The following LRCH2 variants were observed in gnomAD, a reference collection of about 807,000 sequenced individuals.
LRCH2 encodes leucine-rich repeat and calponin homology domain-containing protein 2.
In LRCH2, 38 loss-of-function variants were observed where a neutral mutation model predicts 68.9. The observed-to-expected ratio is 0.55, with a 90% CI of 0.43 to 0.72. The LOEUF is 0.72. Among genes scored for constraint, LRCH2 ranks in the 30% least tolerant of loss-of-function variants. LRCH2 has a pLI of 0.00. For missense variants in LRCH2, 528 were observed against 572.9 expected, an observed-to-expected ratio of 0.92 and a Z score of 0.80; for synonymous variants, 191 against 208.1, an observed-to-expected ratio of 0.92 and a Z score of 0.71.
At chrX:115,212,774 C>T in intron 1 of LRCH2, among the ~76,000 whole-genome samples, 1 of 109,294 alleles carries the variant, frequency 9.1e-6, no homozygotes, top group Admixed American at 9.8e-5. Flanking sequence ...AGCTTGAGAC[C>T]AGCCTGGGCA....
At chrX:115,223,186 T>A (rs1025461022) in intron 1 of LRCH2, among the ~76,000 whole-genome samples, 11 of 110,565 alleles carry the variant, frequency 9.9e-5, no homozygotes, top group Non-Finnish European at 3.8e-5. Flanking sequence ...AAAATCAACT[T>A]AAATAAGCAG....
At chrX:115,218,618 T>C (rs1361727349) in intron 1 of LRCH2, among the ~76,000 whole-genome samples, 1 of 112,584 alleles carries the variant, frequency 8.9e-6, no homozygotes, top group East Asian at 2.8e-4. Context: ...TTCGTTAACA[T>C]AGCAGTGCAG....
At chrX:115,164,494 T>C (rs1556543539) in intron 10 of LRCH2, among the ~76,000 whole-genome samples, 1 of 111,561 alleles carries the variant, frequency 9.0e-6, no homozygotes, top group African/African-American at 3.2e-5. Context: ...GAATGAAATC[T>C]AAACAGTTCA....
In LRCH2 at chrX:115,169,379, A is replaced by T. The variant is rs2072588347; in HGVS notation, c.998+920T>A. Among the ~76,000 whole-genome samples, 3 of 112,056 alleles carry T rather than the reference A, an allele frequency of 2.7e-5. No homozygotes were observed. In the South Asian group the frequency reaches 1.1e-3, roughly 41 times the overall value. On this transcript the variant is annotated intron_variant, in intron 6 of 20. Coordinates refer to ENST00000317135, the MANE Select transcript of LRCH2 (RefSeq NM_020871.4). ...TCATGTTAAAATAAATATAAAGCAG[A>T]TTAATAGAGATTAGAATGCCTTAAT... is the stretch of plus-strand genomic sequence containing the variant.
At chrX:115,147,012 C>T (rs2072390933) in intron 14 of LRCH2, among the ~76,000 whole-genome samples, 1 of 104,758 alleles carries the variant, frequency 9.5e-6, no homozygotes, top group Admixed American at 1.0e-4. Context: ...GGGACAGAAA[C>T]AAAGAAATCC....
intron 13 of LRCH2, 30 bp from the exon 14 acceptor site, chrX:115,149,973 T>A (rs1556537853): frequency 8.6e-7 from 1 of 1,156,090 alleles, no homozygotes; most frequent in Non-Finnish European, 1.2e-6. Flanking sequence ...TTTAACTAAA[T>A]AAAAGAGAAC....
At chrX:115,176,715 T>C (rs1458139491) in intron 5 of LRCH2, among the ~76,000 whole-genome samples, 1 of 110,909 alleles carries the variant, frequency 9.0e-6, no homozygotes, top group Admixed American at 9.6e-5. Context: ...CTAATGATTC[T>C]TGGCTGGCTG....
At chrX:115,191,241 T>C in intron 1 of LRCH2, 2 of 1,148,071 alleles carry the variant, frequency 1.7e-6, no homozygotes, top group Non-Finnish European at 2.3e-6. Context: ...GCTCCCTCGA[T>C]GCCAACAGTG....
intron 2 of LRCH2, among the ~76,000 whole-genome samples, chrX:115,186,871 T>C (rs2072735979): frequency 1.0e-5 from 1 of 96,563 alleles, no homozygotes; most frequent in Non-Finnish European, 2.0e-5. Flanking sequence ...CAGGCTGGAG[T>C]GCAGTGGCGC....
intron 1 of LRCH2, chrX:115,191,008 G>A (rs1359197623): frequency 4.0e-5 from 46 of 1,161,461 alleles, no homozygotes; most frequent in South Asian, 1.7e-4. Flanking sequence ...TGCCAACAGC[G>A]GAGGCCGTTC....
At chrX:115,131,193 G>T (rs1265694452) in intron 14 of LRCH2, among the ~76,000 whole-genome samples, 2 of 109,350 alleles carry the variant, frequency 1.8e-5, no homozygotes, top group Non-Finnish European at 3.8e-5. Flanking sequence ...TGCCATGTTG[G>T]TGTGCTGCAC....
intron 14 of LRCH2, among the ~76,000 whole-genome samples, chrX:115,141,240 A>C (rs2072336175): frequency 1.8e-5 from 2 of 109,414 alleles, no homozygotes; most frequent in Admixed American, 9.7e-5. Flanking sequence ...AAAAAAAAAG[A>C]AAGCTTATTT....
intron 15 of LRCH2, among the ~76,000 whole-genome samples, chrX:115,129,196 G>A (rs192282478): frequency 9.0e-6 from 1 of 111,140 alleles, no homozygotes; most frequent in East Asian, 2.9e-4. Flanking sequence ...CAGGTACACA[G>A]GTGTTATTCA....
chrX:115,190,973 A>T (rs1556558480), intron 1 of LRCH2: 3 of 1,162,392 alleles, frequency 2.6e-6, no homozygotes, highest in Non-Finnish European at 3.4e-6. Flanking sequence ...GGCCACTATG[A>T]GGAGAACCGA....
Position 115,150,070 on chromosome X carries a change from A to G in LRCH2, c.1530T>C (p.Ser510=). The G allele has an allele frequency of 8.7e-7, 1 of 1,153,053 alleles. No homozygotes were observed. Among genetic ancestry groups the G allele is most frequent in the Non-Finnish European group, 1.2e-6 (1 of 863,289 alleles). The part of the protein sequence containing the change: ...KPKQTVECEK[S]VSADEVNSPL... ...GTGAATTAACTTCATCTGCTGAGAC[A>G]CTAAAAAATTGAAGATGCCTTAATA... Residue 510 remains serine, a splice_region_variant and synonymous_variant, in exon 13 of 21, where the codon AGT becomes AGC. Coordinates refer to ENST00000317135, the MANE Select transcript of LRCH2 (RefSeq NM_020871.4).
chrX:115,147,663 T>C (rs1454203945), intron 14 of LRCH2, among the ~76,000 whole-genome samples: 1 of 111,494 alleles, frequency 9.0e-6, no homozygotes, highest in African/African-American at 3.3e-5. Context: ...ACCAAAGAAT[T>C]ATGTTTTTAA....
chrX:115,197,937 G>C (rs1042534999), intron 1 of LRCH2, among the ~76,000 whole-genome samples: 5 of 96,471 alleles, frequency 5.2e-5, no homozygotes, highest in Admixed American at 2.4e-4. Context: ...TGAAATACTA[G>C]ATCAAGCAGA....
intron 1 of LRCH2, among the ~76,000 whole-genome samples, chrX:115,212,636 A>C (rs1335158707): frequency 2.7e-5 from 3 of 109,456 alleles, no homozygotes; most frequent in Non-Finnish European, 5.7e-5. Flanking sequence ...AGTAGCTGGG[A>C]CTACAAGCAT....
rs1556578329 is a variant in LRCH2 at position 115,231,228 on chromosome X, ACT to A, written c.349+2463_349+2464del. The stretch of plus-strand genomic sequence containing the variant: ...CGGTTTGGTTCTGAAACAGTATTCC[ACT>A]GAGTCATTTTAAGTATAACAAGATC... On this transcript the variant is annotated intron_variant, in intron 1 of 20. Transcript: ENST00000317135. Among the ~76,000 whole-genome samples, 946 of 111,550 alleles carry A rather than the reference ACT, an allele frequency of 8.5e-3. 13 individuals carry two copies. The highest frequency in any genetic ancestry group is 0.03 in the African/African-American group (914 of 30,721).
Sources: allele counts gnomAD v4.1 joint callset (sites outside exome capture counted in the v4.1 genomes callset), GRCh38; gene constraint gnomAD v4.1.1; transcripts MANE v1.5; gene names NCBI Gene and HGNC (gene_info 2026-07-23, HGNC 2026-07-21).